The following CUBN variants were observed in gnomAD, a reference collection of about 807,000 sequenced individuals.
The protein encoded by CUBN is 460 kDa receptor.
In CUBN, 282 loss-of-function variants were observed where a neutral mutation model predicts 405.3. That is an observed-to-expected ratio of 0.70 (90% CI 0.63 to 0.77). The LOEUF is 0.77. Among genes scored for constraint, CUBN ranks in the 30% least tolerant of loss-of-function variants. The probability of loss-of-function intolerance (pLI) is 0.00; values close to 1 mark genes in which losing one functional copy is unlikely to be tolerated. For synonymous variants in CUBN, 1,684 were observed against 1,617.0 expected, an observed-to-expected ratio of 1.04 and a Z score of -0.99; for missense variants, 4,514 against 4,475.2, an observed-to-expected ratio of 1.01 and a Z score of -0.25.
Position 16,874,439 on chromosome 10 carries a change from G to C in CUBN, c.9171C>G (p.Asp3057Glu). Residue 3057 changes from aspartate to glutamate, a missense_variant, in exon 58 of 67, where the codon GAC (aspartate) becomes GAG (glutamate). Around this residue, in one of 5 missense-constraint regions of CUBN, gnomAD observed 1,186 missense variants for 1,186.9 expected, o/e 1.00. Transcript: ENST00000377833. The stretch of plus-strand genomic sequence containing the variant: ...ACAGACAGTGCATATCATTTGGGTA[G>C]TCTGCGTATGAATAGGCAGGACTTG... ...IITSPAYSYA[D>E]YPNDMHCLYT... The C allele has an allele frequency of 6.2e-7, 1 of 1,614,020 alleles. No individual in the cohort carries two copies. Among genetic ancestry groups the C allele is most frequent in the Non-Finnish European group, 8.5e-7 (1 of 1,179,870 alleles).
intron 59 of CUBN, among the ~76,000 whole-genome samples, chr10:16,852,159 C>T (rs1401719043): frequency 8.2e-6 from 1 of 122,160 alleles, no homozygotes. Flanking sequence ...CTCTATCTTT[C>T]CCTCCCTCCC....
intron 15 of CUBN, among the ~76,000 whole-genome samples, chr10:17,086,464 G>A (rs1435316109): frequency 6.6e-6 from 1 of 152,086 alleles, no homozygotes; most frequent in Non-Finnish European, 1.5e-5. Context: ...TTTTCAGAAG[G>A]GTCAGAGGTA....
chr10:17,050,044 G>A (rs914690940), intron 22 of CUBN, among the ~76,000 whole-genome samples: 7 of 152,084 alleles, frequency 4.6e-5, no homozygotes, highest in Non-Finnish European at 8.8e-5. Flanking sequence ...ACTGGTACAT[G>A]CATCTAAGTT....
intron 11 of CUBN, 114 bp downstream of exon 11, chr10:17,105,343 T>TA: frequency 1.3e-6 from 1 of 785,054 alleles, no homozygotes; most frequent in East Asian, 2.4e-5. Flanking sequence ...GACAGTTCCT[T>TA]ATCTGAAACT....
At chr10:16,860,077 A>G (rs906178664) in intron 59 of CUBN, among the ~76,000 whole-genome samples, 1 of 152,164 alleles carries the variant, frequency 6.6e-6, no homozygotes, top group Non-Finnish European at 1.5e-5. Flanking sequence ...TAATTTTAAA[A>G]GGGGAGTAAT....
At chr10:17,115,718 G>A in intron 6 of CUBN, 121 bp from the exon 7 acceptor site, 6 of 1,240,422 alleles carry the variant, frequency 4.8e-6, no homozygotes, top group Non-Finnish European at 7.0e-6. Context: ...GGAATCGTCA[G>A]CCAGCAATGC....
intron 17 of CUBN, among the ~76,000 whole-genome samples, chr10:17,078,552 C>G (rs909873199): frequency 3.3e-5 from 5 of 152,190 alleles, no homozygotes; most frequent in Non-Finnish European, 7.3e-5. Context: ...CTTATCTCCT[C>G]TTGAAATTAT....
rs775428754 is a variant in CUBN, at chr10:17,109,746, C to A, written c.1016-11G>T. The A allele has an allele frequency of 1.9e-6, 3 of 1,606,524 alleles. No individual in the cohort carries two copies. The South Asian group carries it at 3.3e-5, about 18-fold the overall frequency. On this transcript the variant is annotated splice_polypyrimidine_tract_variant and intron_variant, in intron 9 of 66. Transcript: ENST00000377833. The stretch of plus-strand genomic sequence containing the variant: ...CGTCACCCTGGTACCCTGATGAGAA[C>A]AAGAGCCAGGTCATAAGAAACAATG...
chr10:17,022,240 C>A (rs1474875397), intron 27 of CUBN, among the ~76,000 whole-genome samples: 1 of 152,088 alleles, frequency 6.6e-6, no homozygotes, highest in Non-Finnish European at 1.5e-5. Flanking sequence ...ATCGGCTGCT[C>A]ATCATAAGTG....
chr10:17,124,135 T>C (rs935777773), intron 4 of CUBN, among the ~76,000 whole-genome samples: 3 of 152,218 alleles, frequency 2.0e-5, no homozygotes, highest in Non-Finnish European at 4.4e-5. Flanking sequence ...CTTTGAAATA[T>C]AATCATCTGC....
intron 41 of CUBN, among the ~76,000 whole-genome samples, chr10:16,926,810 TCTA>T (rs140170605): frequency 8.0e-4 from 4 of 5,012 alleles, no homozygotes; most frequent in African/African-American, 2.7e-3. Context: ...AATTTTTTTT[TCTA>T]TCTATCTATC....
chr10:16,847,670 C>T (rs1839558383), intron 60 of CUBN, among the ~76,000 whole-genome samples: 1 of 152,166 alleles, frequency 6.6e-6, no homozygotes, highest in Non-Finnish European at 1.5e-5. Context: ...TGCCAACTAA[C>T]TCCTGCAATG....
chr10:16,859,155 A>C (rs1037950970), intron 59 of CUBN, among the ~76,000 whole-genome samples: 3 of 152,206 alleles, frequency 2.0e-5, no homozygotes, highest in African/African-American at 7.2e-5. Flanking sequence ...TGTTCAGTGA[A>C]AGGCCAATAT....
intron 59 of CUBN, among the ~76,000 whole-genome samples, chr10:16,861,296 G>A (rs920932847): frequency 1.3e-5 from 2 of 151,946 alleles, no homozygotes; most frequent in African/African-American, 4.8e-5. Context: ...CGAGTAGCTG[G>A]GACTACAGGT....
chr10:16,977,187 C>CCCCAGCAA, intron 31 of CUBN, among the ~76,000 whole-genome samples: 1 of 152,222 alleles, frequency 6.6e-6, no homozygotes, highest in Non-Finnish European at 1.5e-5. Context: ...TAGAAGAGGG[C>CCCCAGCAA]AGTTCCCCAG....
chr10:17,001,881 G>GA (rs1833898413), intron 28 of CUBN, among the ~76,000 whole-genome samples: 2 of 152,048 alleles, frequency 1.3e-5, no homozygotes, highest in South Asian at 4.1e-4. Flanking sequence ...ACTAGGAGGA[G>GA]AAAAAAATCA....
At chr10:17,016,840 A>C (rs972715166) in intron 28 of CUBN, among the ~76,000 whole-genome samples, 2 of 152,158 alleles carry the variant, frequency 1.3e-5, no homozygotes, top group Non-Finnish European at 2.9e-5. Context: ...GTAAATTGCA[A>C]GCTTTGCATA....
chr10:16,967,883 GA>G (rs1843442686), intron 31 of CUBN, among the ~76,000 whole-genome samples: 2 of 150,680 alleles, frequency 1.3e-5, no homozygotes, highest in African/African-American at 2.4e-5. Flanking sequence ...GAGAGAGAGA[GA>G]AGGAGAGACA....
At chr10:16,980,014 C>T (rs1248141674) in intron 31 of CUBN, among the ~76,000 whole-genome samples, 2 of 152,058 alleles carry the variant, frequency 1.3e-5, no homozygotes, top group Non-Finnish European at 2.9e-5. Flanking sequence ...TAAACAACCT[C>T]ATCAAAAAGT....
Sources: allele counts gnomAD v4.1 joint callset (sites outside exome capture counted in the v4.1 genomes callset), GRCh38; gene constraint gnomAD v4.1.1; regional missense constraint gnomAD v4.1.1; transcripts MANE v1.5; gene names NCBI Gene and HGNC (gene_info 2026-07-23, HGNC 2026-07-21).